PRPF18: variants seen among roughly 807,000 people sequenced by gnomAD.
The protein encoded by PRPF18 is pre-mRNA processing factor 18, also known as pre-mRNA-splicing factor 18.
Under a neutral mutation model 46.5 loss-of-function variants are expected in PRPF18, and 38 were observed. The ratio of observed to expected loss-of-function variants is 0.82; its 90% confidence interval spans 0.63 to 1.07. The LOEUF (loss-of-function observed/expected upper bound fraction) is 1.07, where lower values mean the gene tolerates loss of function less well. Among genes scored for constraint, PRPF18 ranks in the 50% least tolerant of loss-of-function variants. PRPF18 has a pLI of 0.00. For missense variants in PRPF18, 263 were observed against 410.0 expected (o/e 0.64, Z 3.10); for synonymous variants, 152 against 146.7 (o/e 1.04, Z -0.26).
the PRPF18 span, chr10:13,652,104 G>T: frequency 1.4e-6 from 1 of 701,812 alleles, no homozygotes; most frequent in Non-Finnish European, 2.6e-6. Context: ...ACCTGAGTTA[G>T]CAACAGATCA....
At chr10:13,647,049 A>C in the PRPF18 span, 1 of 774,054 alleles carries the variant, frequency 1.3e-6, no homozygotes, top group Non-Finnish European at 1.6e-6. Context: ...TGGGAGGCCC[A>C]AGAAAGGAGA....
At chr10:13,625,619 G>T (rs1386591904) in intron 9 of PRPF18, among the ~76,000 whole-genome samples, 1 of 152,130 alleles carries the variant, frequency 6.6e-6, no homozygotes, top group East Asian at 1.9e-4. Context: ...AGAATGAAAA[G>T]AATTCACTTA....
intron 4 of PRPF18, among the ~76,000 whole-genome samples, chr10:13,608,440 C>G (rs1306016401): frequency 6.6e-6 from 1 of 152,236 alleles, no homozygotes; most frequent in African/African-American, 2.4e-5. Flanking sequence ...AAACCACTTT[C>G]CTGCTTTACT....
At chr10:13,654,482 G>T in the PRPF18 span, 2 of 1,613,812 alleles carry the variant, frequency 1.2e-6, no homozygotes, top group Non-Finnish European at 1.7e-6. Flanking sequence ...ACTTGACGGT[G>T]TCGAGCTTCT....
chr10:13,632,172 T>A (rs1223648371), downstream of PRPF18, among the ~76,000 whole-genome samples: 1 of 152,132 alleles, frequency 6.6e-6, no homozygotes, highest in Non-Finnish European at 1.5e-5. Flanking sequence ...AAACCCTGTC[T>A]CTACTAAAAA....
chr10:13,641,897 A>G, the PRPF18 span: 2 of 152,190 alleles, frequency 1.3e-5, no homozygotes, highest in Admixed American at 6.5e-5. Flanking sequence ...GGAGAAAACA[A>G]TTAGCTCGTG....
At chr10:13,629,171 A>C (rs1295141038) in intron 9 of PRPF18, among the ~76,000 whole-genome samples, 1 of 152,240 alleles carries the variant, frequency 6.6e-6, no homozygotes, top group East Asian at 1.9e-4. Flanking sequence ...GACAAAAGGC[A>C]CTTGAATTTT....
At chr10:13,606,476 C>A (rs2080185277) in intron 4 of PRPF18, among the ~76,000 whole-genome samples, 2 of 152,192 alleles carry the variant, frequency 1.3e-5, no homozygotes, top group African/African-American at 4.8e-5. Flanking sequence ...GTGGCACAAG[C>A]CTGTAATCCC....
chr10:13,650,720 TTCAAAAG>T, the PRPF18 span, among the ~76,000 whole-genome samples: 1 of 152,158 alleles, frequency 6.6e-6, no homozygotes, highest in African/African-American at 2.4e-5. Flanking sequence ...TAACTTACTT[TTCAAAAG>T]TCCAGTTTTT....
At chr10:13,612,925 T>C (rs1463764002) in intron 6 of PRPF18, among the ~76,000 whole-genome samples, 1 of 152,202 alleles carries the variant, frequency 6.6e-6, no homozygotes, top group African/African-American at 2.4e-5. Flanking sequence ...AAATCCCAGA[T>C]ATTTTATTGT....
intron 9 of PRPF18, among the ~76,000 whole-genome samples, chr10:13,627,316 T>C (rs2080523089): frequency 6.6e-6 from 1 of 152,242 alleles, no homozygotes; most frequent in Non-Finnish European, 1.5e-5. Flanking sequence ...GGATTTTTTC[T>C]GGCTTCTTCG....
chr10:13,609,723 C>G (rs907839949), intron 4 of PRPF18, among the ~76,000 whole-genome samples: 1 of 152,214 alleles, frequency 6.6e-6, no homozygotes, highest in Non-Finnish European at 1.5e-5. Context: ...GCCACTGTCA[C>G]TAAGCCTCAT....
the PRPF18 span, chr10:13,646,166 G>A: frequency 0.087 from 13,350 of 152,588 alleles, 646 homozygotes; most frequent in Non-Finnish European, 0.12. Flanking sequence ...GGCTCTCTAC[G>A]GAGAGAGAAG....
intron 4 of PRPF18, 40 bp from the exon 5 acceptor site, chr10:13,609,999 C>T: frequency 6.6e-7 from 1 of 1,525,032 alleles, no homozygotes; most frequent in African/African-American, 1.4e-5. Context: ...GGTGTTCTTC[C>T]TTTCATAACA....
Position 13,625,320 on chromosome 10 carries a change from C to G in PRPF18, c.949-4940C>G, listed in dbSNP as rs7913389. 9.7e-3 allele frequency among the ~76,000 whole-genome samples: 1,480 copies of G among 151,996 alleles called. 35 individuals carry two copies. Among genetic ancestry groups the G allele is most frequent in the African/African-American group, 0.034 (1,417 of 41,484 alleles). Reference sequence around the variant, plus strand: ...GTGACAGACGGGTCTGAAAACAAAACAAACAAAAAAATTCTTAGGTAACGT... The same window carrying G: ...GTGACAGACGGGTCTGAAAACAAAAGAAACAAAAAAATTCTTAGGTAACGT... On this transcript the variant is annotated intron_variant, in intron 9 of 9. Coordinates refer to ENST00000378572, the MANE Select transcript of PRPF18 (RefSeq NM_003675.4).
chr10:13,630,280 C>T lies in PRPF18; in HGVS notation c.969C>T (p.Thr323=). Residue 323 remains threonine, a synonymous_variant, in exon 10 of 10, where the codon ACC becomes ACT. Transcript: ENST00000378572. ...CTTAGGGATTGAAGAGGTTAATGAC[C>T]ATTTGCCAGAAACACTTTCCTACAG... The part of the protein sequence containing the change: ...KYIQGLKRLM[T]ICQKHFPTDP... The T allele has an allele frequency of 6.2e-7, 1 of 1,611,598 alleles. No homozygotes were observed. Among genetic ancestry groups the T allele is most frequent in the Non-Finnish European group, 8.5e-7 (1 of 1,177,752 alleles).
At chr10:13,597,640 G>A (rs747032389) in intron 2 of PRPF18, 105 bp downstream of exon 2, 6 of 1,603,894 alleles carry the variant, frequency 3.7e-6, no homozygotes, top group Non-Finnish European at 5.1e-6. Context: ...ATCAATATAC[G>A]TTAGCCTATA....
chr10:13,624,482 G>A (rs1435237417), intron 9 of PRPF18, among the ~76,000 whole-genome samples: 1 of 152,234 alleles, frequency 6.6e-6, no homozygotes, highest in African/African-American at 2.4e-5. Flanking sequence ...AGAAGGAGTG[G>A]TTGAGAATTA....
At chr10:13,597,755 CT>C in intron 2 of PRPF18, 1 of 1,203,462 alleles carries the variant, frequency 8.3e-7, no homozygotes. Flanking sequence ...AATGGTTTGG[CT>C]TTTTGTGGAC....
Sources: gnomAD v4.1 joint callset for allele counts (sites outside exome capture counted in the v4.1 genomes callset) on GRCh38, gnomAD v4.1.1 for gene constraint, MANE v1.5 for transcripts, NCBI Gene and HGNC (gene_info 2026-07-23, HGNC 2026-07-21) for gene names.